The following CCDC28A variants were observed in gnomAD, a reference collection of about 807,000 sequenced individuals.
The protein encoded by CCDC28A is coiled-coil domain containing 28A.
CCDC28A carries 24 observed loss-of-function variants against 22.1 expected under a neutral mutation model. The observed-to-expected ratio is 1.09, with a 90% CI of 0.79 to 1.53. The LOEUF (loss-of-function observed/expected upper bound fraction) is 1.53. CCDC28A is among the 40% of genes most tolerant of loss of function. The pLI, the probability that CCDC28A is intolerant of heterozygous loss-of-function variation, is 0.00. For synonymous variants in CCDC28A, 83 were observed against 74.7 expected (o/e 1.11, Z -0.57); for missense variants, 170 against 210.7 (o/e 0.81, Z 1.20).
chr6:138,776,694 A>G (rs114041795), intron 2 of CCDC28A, among the ~76,000 whole-genome samples: 2,572 of 151,828 alleles, frequency 0.017, 60 homozygotes, highest in African/African-American at 0.054. Flanking sequence ...ATATATATAT[A>G]TATTTTTAAA....
chr6:138,773,833 G>C lies in CCDC28A; in HGVS notation c.-112G>C. The C allele has an allele frequency of 6.2e-7, 1 of 1,614,148 alleles. No homozygotes were observed. The stretch of plus-strand genomic sequence containing the variant: ...TGACCGGGGCTCTGCTTGTGGCTGC[G>C]GCGGTGGCTTCTGAGGCTGTCGGGT... On this transcript the variant is annotated 5_prime_UTR_variant, in exon 1 of 6. Transcript: ENST00000617445.
intron 3 of CCDC28A, among the ~76,000 whole-genome samples, chr6:138,782,506 T>G (rs1775035329): frequency 6.6e-6 from 1 of 151,650 alleles, no homozygotes; most frequent in Non-Finnish European, 1.5e-5. Flanking sequence ...CTGAAGCTTC[T>G]ATTGTTCTCA....
At chr6:138,775,141 G>A (rs1168394071) in intron 1 of CCDC28A, among the ~76,000 whole-genome samples, 2 of 152,112 alleles carry the variant, frequency 1.3e-5, no homozygotes, top group African/African-American at 4.8e-5. Flanking sequence ...GGGTTTCACC[G>A]TGTTAGCCAG....
chr6:138,780,000 T>C lies in CCDC28A; in HGVS notation c.322+15T>C, dbSNP rs767652916. On this transcript the variant is annotated intron_variant, in intron 3 of 5. Coordinates refer to ENST00000617445, the MANE Select transcript of CCDC28A (RefSeq NM_015439.3). ...TCAAGCATTTGGTAAGCAATAGATG[T>C]TTCTGTATTATTTTTTTCTCTAAGA... 1.4e-5 allele frequency: 22 copies of C among 1,581,152 alleles called. No homozygotes were observed. Among genetic ancestry groups the C allele is most frequent in the East Asian group, 6.8e-5 (3 of 43,942 alleles).
intron 4 of CCDC28A, among the ~76,000 whole-genome samples, chr6:138,786,270 A>G (rs912765812): frequency 6.6e-6 from 1 of 152,096 alleles, no homozygotes. Context: ...CTTCAAATCT[A>G]CTCACATTCT....
At chr6:138,786,902 C>A (rs1775103393) in intron 4 of CCDC28A, among the ~76,000 whole-genome samples, 1 of 152,204 alleles carries the variant, frequency 6.6e-6, no homozygotes, top group African/African-American at 2.4e-5. Flanking sequence ...AAGTGTGAGC[C>A]ACGGTGTCTG....
chr6:138,786,859 G>A (rs1426915378), intron 4 of CCDC28A, among the ~76,000 whole-genome samples: 7 of 152,108 alleles, frequency 4.6e-5, no homozygotes, highest in Non-Finnish European at 2.9e-5. Flanking sequence ...CAAGTGATCC[G>A]CCCACCCTGG....
In CCDC28A at chr6:138,773,874, AAGGGGGCCCC is replaced by A. The variant is rs770234662; in HGVS notation, c.-69_-60del. 7 of 1,613,470 alleles carry A rather than the reference AAGGGGGCCCC, an allele frequency of 4.3e-6. No homozygotes were observed. The highest frequency in any genetic ancestry group is 5.9e-6 in the Non-Finnish European group (7 of 1,179,992). On this transcript the variant is annotated 5_prime_UTR_variant, in exon 1 of 6. Coordinates refer to ENST00000617445, the MANE Select transcript of CCDC28A (RefSeq NM_015439.3). ...GCTGTCGGGTCTTTGCGGGTTGCGGAAGGGGGCCCCAATACCCTTCTTCTTCAGGTATGTA... is the reference window on the plus strand; with the variant it reads ...GCTGTCGGGTCTTTGCGGGTTGCGGAAATACCCTTCTTCTTCAGGTATGTA...
In CCDC28A at chr6:138,780,088, G is replaced by GA. The variant is rs1409660353; in HGVS notation, c.322+110dup. On this transcript the variant is annotated intron_variant, in intron 3 of 5. Coordinates refer to ENST00000617445, the MANE Select transcript of CCDC28A (RefSeq NM_015439.3). Reference sequence around the variant, plus strand: ...TTTTCAAAGTGCCAGTTTCTTTTAAGAAAAAAAGAGCCCACAGGCATAAAG... The same window carrying GA: ...TTTTCAAAGTGCCAGTTTCTTTTAAGAAAAAAAAGAGCCCACAGGCATAAAG... The GA allele has an allele frequency of 1.3e-5, 10 of 798,640 alleles. No homozygotes were observed. In the East Asian group the frequency reaches 1.8e-4, roughly 14 times the overall value. The allele number at this position is 798,640 out of a possible 1,614,324, so 49.5% of individuals were successfully genotyped here. A position where few individuals can be genotyped will look rare whatever the true frequency, so the allele number is the denominator to read the frequency against.
At chr6:138,782,975 G>T (rs1200939884) in intron 3 of CCDC28A, among the ~76,000 whole-genome samples, 1 of 152,046 alleles carries the variant, frequency 6.6e-6, no homozygotes, top group African/African-American at 2.4e-5. Context: ...ACTATCAAGG[G>T]ATTGCAGAGT....
chr6:138,783,248 C>T (rs1259103386), intron 3 of CCDC28A, among the ~76,000 whole-genome samples: 1 of 148,268 alleles, frequency 6.7e-6, no homozygotes, highest in Non-Finnish European at 1.5e-5. Context: ...AAATGATTCA[C>T]ATTTGAAGTC....
At chr6:138,789,258 T>A (rs1775136526) in intron 5 of CCDC28A, among the ~76,000 whole-genome samples, 1 of 152,104 alleles carries the variant, frequency 6.6e-6, no homozygotes. Context: ...ATAATTTAAT[T>A]TGAGAAGTAA....
chr6:138,781,405 C>G (rs1775018780), intron 3 of CCDC28A, among the ~76,000 whole-genome samples: 1 of 152,172 alleles, frequency 6.6e-6, no homozygotes, highest in Non-Finnish European at 1.5e-5. Flanking sequence ...GCTGGTGCCT[C>G]TATTCTTTTG....
At chr6:138,775,142 T>C (rs924511556) in intron 1 of CCDC28A, among the ~76,000 whole-genome samples, 7 of 152,174 alleles carry the variant, frequency 4.6e-5, no homozygotes, top group Non-Finnish European at 1.5e-5. Flanking sequence ...GGTTTCACCG[T>C]GTTAGCCAGG....
intron 2 of CCDC28A, among the ~76,000 whole-genome samples, chr6:138,777,865 A>G (rs956224589): frequency 2.0e-5 from 3 of 152,194 alleles, no homozygotes; most frequent in African/African-American, 7.2e-5. Context: ...ATACTCTGTA[A>G]TAGTTTATCT....
intron 4 of CCDC28A, 54 bp downstream of exon 4, chr6:138,785,435 A>G (rs1357186558): frequency 1.5e-6 from 2 of 1,361,194 alleles, no homozygotes; most frequent in Non-Finnish European, 2.1e-6. Context: ...GTTGCGAAAA[A>G]ATGTACCTTT....
chr6:138,779,682 C>T (rs1020808687), intron 2 of CCDC28A, 140 bp from the exon 3 acceptor site: 44 of 490,040 alleles, frequency 9.0e-5, no homozygotes, highest in Non-Finnish European at 1.2e-4. Context: ...TGGTTTCTGG[C>T]TTGGAGTTTC....
rs554689198 is a variant in CCDC28A at position 138,782,480 on chromosome 6, TCTTC to T, written c.322+2499_322+2502del. Among the ~76,000 whole-genome samples, 538 of 152,310 alleles carry T rather than the reference TCTTC, an allele frequency of 3.5e-3. 2 individuals are homozygous for T. Among genetic ancestry groups the T allele is most frequent in the African/African-American group, 0.013 (522 of 41,568 alleles). ...TATTGTTTATTATTTTTCTTCCATC[TCTTC>T]CTTTTTAGCCTCTGAAGCTTCTATT... On this transcript the variant is annotated intron_variant, in intron 3 of 5. Coordinates refer to ENST00000617445, the MANE Select transcript of CCDC28A (RefSeq NM_015439.3).
intron 4 of CCDC28A, 56 bp downstream of exon 4, chr6:138,785,437 T>A (rs1775081238): frequency 2.3e-6 from 3 of 1,332,772 alleles, no homozygotes; most frequent in Middle Eastern, 1.9e-4. Context: ...TGCGAAAAAA[T>A]GTACCTTTTG....
Sources: allele counts gnomAD v4.1 joint callset (sites outside exome capture counted in the v4.1 genomes callset), GRCh38; gene constraint gnomAD v4.1.1; transcripts MANE v1.5; gene names NCBI Gene and HGNC (gene_info 2026-07-23, HGNC 2026-07-21).